Variants in OR52A5 observed in about 807,000 individuals in gnomAD.
OR52A5 encodes the protein olfactory receptor family 52 subfamily A member 5, also known as olfactory receptor 52A5.
A neutral mutation model predicts 18.2 loss-of-function variants in OR52A5; 16 were observed. The observed-to-expected ratio is 0.88, with a 90% CI of 0.60 to 1.34. The LOEUF is 1.34. Among genes scored for constraint, OR52A5 ranks in the 40% most tolerant of loss-of-function variants. The probability of loss-of-function intolerance (pLI) is 0.00; values close to 1 mark genes in which losing one functional copy is unlikely to be tolerated. For synonymous variants in OR52A5, 140 were observed against 137.2 expected, an observed-to-expected ratio of 1.02 and a Z score of -0.14; for missense variants, 418 against 383.0, an observed-to-expected ratio of 1.09 and a Z score of -0.76.
In OR52A5 at chr11:5,130,739, T is replaced by C. The variant is rs1846329144; in HGVS notation, c.*953A>G. 6.6e-6 allele frequency: 1 copy of C among 152,144 alleles called. No homozygotes were observed. The highest frequency in any genetic ancestry group is 1.5e-5 in the Non-Finnish European group (1 of 67,984). The allele number at this position is 152,144 out of a possible 1,614,324, so 9.4% of individuals were successfully genotyped here. On this transcript the variant is annotated 3_prime_UTR_variant, in exon 2 of 2. Transcript: ENST00000307388. Reference sequence around the variant, plus strand: ...TTTTACATCAGAACGTTTTACCATATTATTTCTTTCTTTGACCATGCATCT... The same window carrying C: ...TTTTACATCAGAACGTTTTACCATACTATTTCTTTCTTTGACCATGCATCT...
In OR52A5 at chr11:5,130,191, C is replaced by T. The variant is rs1846322872; in HGVS notation, c.*1501G>A. The T allele has an allele frequency of 6.6e-6, 1 of 151,346 alleles. No homozygotes were observed. The highest frequency in any genetic ancestry group is 1.5e-5 in the Non-Finnish European group (1 of 67,812). The allele number at this position is 151,346 out of a possible 1,614,324, so 9.4% of individuals were successfully genotyped here. On this transcript the variant is annotated 3_prime_UTR_variant, in exon 2 of 2. Coordinates refer to ENST00000307388, the MANE Select transcript of OR52A5 (RefSeq NM_001005160.3). ...CCAATATGGGTGTTTTGTCTATTTT[C>T]ATTTATATAATTTGGTGCATTTTTA...
Position 5,131,463 on chromosome 11 carries a change from T to TCGC in OR52A5, c.*228_*229insGCG. The stretch of plus-strand genomic sequence containing the variant: ...GTTGTAGATATCGGTATTACTGATT[T>TCGC]CATATTATTTTTATATTGATAAGTA... On this transcript the variant is annotated 3_prime_UTR_variant, in exon 2 of 2. Coordinates refer to ENST00000307388, the MANE Select transcript of OR52A5 (RefSeq NM_001005160.3). 6.4e-5 allele frequency: 20 copies of TCGC among 314,154 alleles called. No individual in the cohort carries two copies. Among genetic ancestry groups the TCGC allele is most frequent in the South Asian group, 2.7e-4 (5 of 18,298 alleles). The allele number at this position is 314,154 out of a possible 1,614,324, so 19.5% of individuals were successfully genotyped here. A position where few individuals can be genotyped will look rare whatever the true frequency, so the allele number is the denominator to read the frequency against.
rs1227907301 is a variant in OR52A5 at position 5,131,007 on chromosome 11, T to C, written c.*685A>G. On this transcript the variant is annotated 3_prime_UTR_variant, in exon 2 of 2. Coordinates refer to ENST00000307388, the MANE Select transcript of OR52A5 (RefSeq NM_001005160.3). ...TGGTTTTCTGTATGGTAAGATTGCATATTACTTAGAGCCTCCAAATTTGTG... is the reference window on the plus strand; with the variant it reads ...TGGTTTTCTGTATGGTAAGATTGCACATTACTTAGAGCCTCCAAATTTGTG... 6.6e-6 allele frequency: 1 copy of C among 152,170 alleles called. No individual in the cohort carries two copies. The highest frequency in any genetic ancestry group is 1.5e-5 in the Non-Finnish European group (1 of 67,972). 9.4% of individuals were successfully genotyped at this position (152,170 alleles called of 1,614,324 possible). A position where few individuals can be genotyped will look rare whatever the true frequency, so the allele number is the denominator to read the frequency against.
rs1410626946 is a variant in OR52A5 at position 5,130,440 on chromosome 11, G to T, written c.*1252C>A. On this transcript the variant is annotated 3_prime_UTR_variant, in exon 2 of 2. Coordinates refer to ENST00000307388, the MANE Select transcript of OR52A5 (RefSeq NM_001005160.3). ...TAATTATTCATTCTGCGTTATTAATGGCACAACCACTGAAATATTTAATGC... is the reference window on the plus strand; with the variant it reads ...TAATTATTCATTCTGCGTTATTAATTGCACAACCACTGAAATATTTAATGC... 1 of 151,416 alleles carries T rather than the reference G, an allele frequency of 6.6e-6. No homozygotes were observed. The highest frequency in any genetic ancestry group is 1.5e-5 in the Non-Finnish European group (1 of 67,860). 9.4% of individuals were successfully genotyped at this position (151,416 alleles called of 1,614,324 possible). A position where few individuals can be genotyped will look rare whatever the true frequency, so the allele number is the denominator to read the frequency against.
chr11:5,131,645 G>T lies in OR52A5; in HGVS notation c.*47C>A. The T allele has an allele frequency of 8.7e-7, 1 of 1,153,882 alleles. No individual in the cohort carries two copies. Among genetic ancestry groups the T allele is most frequent in the East Asian group, 2.4e-5 (1 of 41,950 alleles). 71.5% of individuals were successfully genotyped at this position (1,153,882 alleles called of 1,614,324 possible). On this transcript the variant is annotated 3_prime_UTR_variant, in exon 2 of 2. Coordinates refer to ENST00000307388, the MANE Select transcript of OR52A5 (RefSeq NM_001005160.3). Reference sequence around the variant, plus strand: ...GATCTGTGACTTTCATTATATTTAGGTTTTTACTTAGAACCAACCCTAAAT... The same window carrying T: ...GATCTGTGACTTTCATTATATTTAGTTTTTTACTTAGAACCAACCCTAAAT...
Position 5,131,393 on chromosome 11 carries a change from ATTCC to A in OR52A5, c.*295_*298del, listed in dbSNP as rs1846335374. ...TTTTTTTGCATTCTCTCCTGTGTAA[ATTCC>A]TTAGTGTTTATAGTCATTGGTTGCA... On this transcript the variant is annotated 3_prime_UTR_variant, in exon 2 of 2. Coordinates refer to ENST00000307388, the MANE Select transcript of OR52A5 (RefSeq NM_001005160.3). 1 of 181,776 alleles carries A rather than the reference ATTCC, an allele frequency of 5.5e-6. No homozygotes were observed. The highest frequency in any genetic ancestry group is 1.2e-5 in the Non-Finnish European group (1 of 85,246). 11.3% of individuals were successfully genotyped at this position (181,776 alleles called of 1,614,324 possible).
At chr11:5,137,567 G>T (rs1454421078) in intron 1 of OR52A5, among the ~76,000 whole-genome samples, 1 of 150,038 alleles carries the variant, frequency 6.7e-6, no homozygotes, top group Non-Finnish European at 1.5e-5. Context: ...AGCTTCCAGT[G>T]TCAACGAGGT....
Position 5,130,773 on chromosome 11 carries a change from T to C in OR52A5, c.*919A>G, listed in dbSNP as rs548169057. ...TCTTTGACCATGCATCTTTTCAAAA[T>C]TAGTGATTCAGATGACTCTGTCAAC... On this transcript the variant is annotated 3_prime_UTR_variant, in exon 2 of 2. Transcript: ENST00000307388. 2.0e-5 allele frequency: 3 copies of C among 152,252 alleles called. No individual in the cohort carries two copies. In the East Asian group the frequency reaches 5.8e-4, roughly 29 times the overall value. 9.4% of individuals were successfully genotyped at this position (152,252 alleles called of 1,614,324 possible).
intron 1 of OR52A5, among the ~76,000 whole-genome samples, chr11:5,137,051 T>C (rs972795456): frequency 9.2e-5 from 14 of 152,168 alleles, no homozygotes; most frequent in African/African-American, 2.9e-4. Context: ...AATGTGACAA[T>C]AGTGAAGGAT....
chr11:5,132,264 C>T lies in OR52A5; in HGVS notation c.379G>A (p.Ala127Thr). The change falls in exon 2 of 2, where the codon GCC becomes ACC. Residue 127 changes from alanine to threonine, a missense_variant. Ala to Thr is a moderately conservative substitution (Grantham distance 58). Coordinates refer to ENST00000307388, the MANE Select transcript of OR52A5 (RefSeq NM_001005160.3). ...GCATGTCTCAAGGGGATACAGATGG[C>T]CACATAGCGATCCAGGGCCATTGCC... ...LLAMALDRYV[A>T]ICIPLRHATI... 6.2e-7 allele frequency: 1 copy of T among 1,614,150 alleles called. No individual in the cohort carries two copies. The highest frequency in any genetic ancestry group is 8.5e-7 in the Non-Finnish European group (1 of 1,180,014).
At chr11:5,133,591 T>A (rs540139700) in intron 1 of OR52A5, among the ~76,000 whole-genome samples, 2 of 151,600 alleles carry the variant, frequency 1.3e-5, no homozygotes, top group East Asian at 3.9e-4. Flanking sequence ...CAATCATATA[T>A]CTTATACATT....
Position 5,131,851 on chromosome 11 carries a change from T to C in OR52A5, c.792A>G (p.Thr264=), listed in dbSNP as rs780019182. The C allele has an allele frequency of 6.2e-7, 1 of 1,613,996 alleles. No individual in the cohort carries two copies. The highest frequency in any genetic ancestry group is 1.3e-5 in the African/African-American group (1 of 74,910). ...FYLLAFFSFF[T]HRFGSHIPPY... ...GTGGTATGTGTGAACCAAACCTGTGTGTGAAGAAAGAGAAGAAGGCAAGAA... is the reference window on the plus strand; with the variant it reads ...GTGGTATGTGTGAACCAAACCTGTGCGTGAAGAAAGAGAAGAAGGCAAGAA... Residue 264 remains threonine (T), a synonymous_variant, in exon 2 of 2, where the codon ACA becomes ACG. Transcript: ENST00000307388.
intron 1 of OR52A5, among the ~76,000 whole-genome samples, chr11:5,137,539 T>C (rs1017447217): frequency 1.3e-5 from 2 of 151,716 alleles, no homozygotes; most frequent in African/African-American, 4.8e-5. Context: ...TCGGAGATAG[T>C]GTGCCACATC....
At chr11:5,137,179 G>A (rs1172904898) in intron 1 of OR52A5, among the ~76,000 whole-genome samples, 1 of 152,218 alleles carries the variant, frequency 6.6e-6, no homozygotes, top group Non-Finnish European at 1.5e-5. Context: ...AAGGCAGCCT[G>A]GGGAACAACT....
chr11:5,128,856 T>C lies in OR52A5; in HGVS notation c.*2836A>G, dbSNP rs1472091346. On this transcript the variant is annotated 3_prime_UTR_variant, in exon 2 of 2. Coordinates refer to ENST00000307388, the MANE Select transcript of OR52A5 (RefSeq NM_001005160.3). ...AATGGGATGTGACTACTAATGTATA[T>C]AGATTTTTTTTTAGGATGACGAAAG... 3 of 152,078 alleles carry C rather than the reference T, an allele frequency of 2.0e-5. No homozygotes were observed. The highest frequency in any genetic ancestry group is 4.4e-5 in the Non-Finnish European group (3 of 67,996). The allele number at this position is 152,078 out of a possible 1,614,324, so 9.4% of individuals were successfully genotyped here.
intron 1 of OR52A5, among the ~76,000 whole-genome samples, chr11:5,133,835 ACT>A (rs1284065362): frequency 1.3e-5 from 2 of 151,866 alleles, no homozygotes; most frequent in Non-Finnish European, 2.9e-5. Context: ...ATTACATGAA[ACT>A]CTCTAAGAAA....
intron 1 of OR52A5, among the ~76,000 whole-genome samples, chr11:5,136,047 A>T (rs746195345): frequency 4.6e-5 from 7 of 152,220 alleles, no homozygotes; most frequent in Non-Finnish European, 1.0e-4. Flanking sequence ...GCTCTGATTA[A>T]TCTAACAGGG....
In OR52A5 at chr11:5,131,587, A is replaced by G; in HGVS notation, c.*105T>C. On this transcript the variant is annotated 3_prime_UTR_variant, in exon 2 of 2. Transcript: ENST00000307388. ...AAAAGTGAGACATAGCTAGAATTAC[A>G]GGTATGTGTTGAGCTAGTAGTTTGA... 1.7e-6 allele frequency: 1 copy of G among 595,998 alleles called. No individual in the cohort carries two copies. Among genetic ancestry groups the G allele is most frequent in the East Asian group, 2.8e-5 (1 of 35,860 alleles). The allele number at this position is 595,998 out of a possible 1,614,324, so 36.9% of individuals were successfully genotyped here. A position where few individuals can be genotyped will look rare whatever the true frequency, so the allele number is the denominator to read the frequency against.
chr11:5,137,450 C>T lies in OR52A5; in HGVS notation c.-61+861G>A, dbSNP rs1294274703. Among the ~76,000 whole-genome samples, 3 of 152,056 alleles carry T rather than the reference C, an allele frequency of 2.0e-5. No homozygotes were observed. In the East Asian group the frequency reaches 5.8e-4, roughly 29 times the overall value. On this transcript the variant is annotated intron_variant, in intron 1 of 1. Transcript: ENST00000307388. ...CAGAAATCTCATCCCTTTATATCATCTTTAAAGTTACCATTTGATCTCTGC... is the reference window on the plus strand; with the variant it reads ...CAGAAATCTCATCCCTTTATATCATTTTTAAAGTTACCATTTGATCTCTGC...
Sources: allele counts gnomAD v4.1 joint callset (sites outside exome capture counted in the v4.1 genomes callset), GRCh38; gene constraint gnomAD v4.1.1; transcripts MANE v1.5; gene names NCBI Gene and HGNC (gene_info 2026-07-23, HGNC 2026-07-21).